The following PKD2L1 variants were observed in gnomAD, a reference collection of about 807,000 sequenced individuals.
PKD2L1 encodes the protein polycystin-2-like protein 1.
PKD2L1 carries 77 observed loss-of-function variants against 93.0 expected under a neutral mutation model. The ratio of observed to expected loss-of-function variants is 0.83; its 90% confidence interval spans 0.69 to 1.00. The LOEUF is 1.00. Among genes scored for constraint, PKD2L1 ranks in the 50% least tolerant of loss-of-function variants. The probability of loss-of-function intolerance (pLI) is 0.00; values close to 1 mark genes in which losing one functional copy is unlikely to be tolerated. For synonymous variants in PKD2L1, 390 were observed against 388.0 expected, an observed-to-expected ratio of 1.01 and a Z score of -0.06; for missense variants, 977 against 990.9, an observed-to-expected ratio of 0.99 and a Z score of 0.19.
At position 100,311,723 on chromosome 10, in the gene PKD2L1, C is replaced by A. The variant is rs143518040; in HGVS notation, c.350-12005G>T. Among the ~76,000 whole-genome samples the A allele has an allele frequency of 2.0e-5, 3 of 152,304 alleles. No individual in the cohort carries two copies. The East Asian group carries it at 5.8e-4, about 29-fold the overall frequency. On this transcript the variant is annotated intron_variant, in intron 2 of 15. Coordinates refer to ENST00000318222, the MANE Select transcript of PKD2L1 (RefSeq NM_016112.3). ...CACAGTTGTCCTTTCCAACAACACT[C>A]TCCCTGGGAAGGAATGGGATCCCTT...
At chr10:100,302,706 A>G (rs534901247) in intron 2 of PKD2L1, among the ~76,000 whole-genome samples, 227 of 147,798 alleles carry the variant, frequency 1.5e-3, no homozygotes, top group African/African-American at 5.2e-3. Flanking sequence ...AAAAAAAAAA[A>G]ATTGTTCCAG....
chr10:100,288,267 T>G lies in PKD2L1; in HGVS notation c.*129A>C. ...TCTCTGAATCCTGAGTTCATTTCCT[T>G]GCCTGATTCCCTTCAGGCTCCATTT... On this transcript the variant is annotated 3_prime_UTR_variant, in exon 16 of 16. Transcript: ENST00000318222. 1.5e-6 allele frequency: 1 copy of G among 676,142 alleles called. No homozygotes were observed. Among genetic ancestry groups the G allele is most frequent in the Non-Finnish European group, 2.7e-6 (1 of 373,606 alleles). 41.9% of individuals were successfully genotyped at this position (676,142 alleles called of 1,614,324 possible).
Position 100,295,037 on chromosome 10 carries a change from G to T in PKD2L1, c.1443C>A (p.Ala481=). 2 of 1,614,080 alleles carry T rather than the reference G, an allele frequency of 1.2e-6. No individual in the cohort carries two copies. Among genetic ancestry groups the T allele is most frequent in the Non-Finnish European group, 1.7e-6 (2 of 1,179,976 alleles). ...CGAAGAAAACAATGAAGAACATGAC[G>T]GCGAAGCCCAGGATGTCCTTGGCAC... ...ARCAKDILGF[A]VMFFIVFFAY... The change falls in exon 8 of 16, where the codon GCC becomes GCA. Residue 481 remains alanine (A), a synonymous_variant. Coordinates refer to ENST00000318222, the MANE Select transcript of PKD2L1 (RefSeq NM_016112.3).
In PKD2L1 at chr10:100,301,712, C is replaced by T. The variant is rs78208005; in HGVS notation, c.350-1994G>A. Among the ~76,000 whole-genome samples the T allele has an allele frequency of 8.7e-4, 132 of 152,240 alleles. 2 individuals carry two copies. Among genetic ancestry groups the T allele is most frequent in the East Asian group, 8.5e-3 (44 of 5,186 alleles). On this transcript the variant is annotated intron_variant, in intron 2 of 15. Transcript: ENST00000318222. ...CTTTATGAACAATTTGTGCAGTTAA[C>T]GCAATCATCACAGGGTCCTGAGGCA...
chr10:100,288,677 C>CT (rs112981669), intron 15 of PKD2L1, among the ~76,000 whole-genome samples, 199 bp from the exon 16 acceptor site: 11,540 of 147,512 alleles, frequency 0.078, 797 homozygotes, highest in African/African-American at 0.18. Flanking sequence ...TGTTTGTTAA[C>CT]TTTTTTTTTT....
In PKD2L1 at chr10:100,291,394, G is replaced by A. The variant is rs1470437464; in HGVS notation, c.1914C>T (p.Leu638=). The part of the protein sequence containing the change: ...LGHAEHEITE[L]TATFTKFDRD... ...TGTCAAACTTGGTGAAGGTGGCCGT[G>A]AGCTCAGTGATTTCATGCTCTGCGT... The change falls in exon 12 of 16, where the codon CTC becomes CTT. Residue 638 remains leucine (L), a synonymous_variant. Transcript: ENST00000318222. 6.2e-7 allele frequency: 1 copy of A among 1,614,074 alleles called. No homozygotes were observed. The highest frequency in any genetic ancestry group is 8.5e-7 in the Non-Finnish European group (1 of 1,179,952).
rs1848602834 is a variant in PKD2L1, at chr10:100,298,568, C to T, written c.725G>A (p.Gly242Asp). ...EEQLPFGPFN[G>D]TAWTYHSQDE... ...GTAGGACAGGCTCACTCACGCTGTG[C>T]CATTGAAGGGCCCAAAGGGGAGTTG... Residue 242 changes from glycine (G) to aspartate (D), a missense_variant, in exon 4 of 16, where the codon GGC becomes GAC. Transcript: ENST00000318222. The T allele has an allele frequency of 6.2e-7, 1 of 1,613,986 alleles. No individual in the cohort carries two copies. Among genetic ancestry groups the T allele is most frequent in the Non-Finnish European group, 8.5e-7 (1 of 1,179,922 alleles).
rs201064124 is a variant in PKD2L1 at position 100,298,831 on chromosome 10, G to T, written c.478-16C>A. The T allele has an allele frequency of 6.2e-7, 1 of 1,602,984 alleles. No homozygotes were observed. The highest frequency in any genetic ancestry group is 8.5e-7 in the Non-Finnish European group (1 of 1,173,006). ...CCTGGGCAAACTGAACCACAAGCTG[G>T]CTTGAACCTTACCCAGCCTCCTCCT... On this transcript the variant is annotated splice_polypyrimidine_tract_variant and intron_variant, in intron 3 of 15. Transcript: ENST00000318222.
Position 100,293,016 on chromosome 10 carries a change from A to G in PKD2L1, c.1812T>C (p.Asp604=), listed in dbSNP as rs1848439285. The change falls in exon 11 of 16, where the codon GAT becomes GAC. Residue 604 remains aspartate (D), a synonymous_variant. Transcript: ENST00000318222. Reference sequence around the variant, plus strand: ...CCCCACCCTGCAGGACCTTCTGCACATCCGAAACCCTCTCCTTCCTCAGAC... The same window carrying G: ...CCCCACCCTGCAGGACCTTCTGCACGTCCGAAACCCTCTCCTTCCTCAGAC... ...RLRLRKERVS[D]VQKVLQGGEQ... 6.2e-7 allele frequency: 1 copy of G among 1,614,194 alleles called. No homozygotes were observed. Among genetic ancestry groups the G allele is most frequent in the Non-Finnish European group, 8.5e-7 (1 of 1,179,988 alleles).
chr10:100,323,360 C>T lies in PKD2L1; in HGVS notation c.349+5851G>A, dbSNP rs1286440528. 2.0e-5 allele frequency among the ~76,000 whole-genome samples: 3 copies of T among 152,182 alleles called. No individual in the cohort carries two copies. In the East Asian group the frequency reaches 5.8e-4, roughly 29 times the overall value. ...CTCGGCTCACTGCAACCTCCACCTC[C>T]CAGGTTCAAGCGATTCTCTTGCCTC... is the stretch of plus-strand genomic sequence containing the variant. On this transcript the variant is annotated intron_variant, in intron 2 of 15. Transcript: ENST00000318222.
At position 100,290,460 on chromosome 10, in the gene PKD2L1, G is replaced by C. The variant is rs1175018558; in HGVS notation, c.2067C>G (p.Gly689=). 3 of 1,613,608 alleles carry C rather than the reference G, an allele frequency of 1.9e-6. No homozygotes were observed. Among genetic ancestry groups the C allele is most frequent in the Non-Finnish European group, 2.5e-6 (3 of 1,180,012 alleles). ...LGRSIVSSPQ[G]KSGPEAARAG... ...CTCTGGCAGCCTCTGGACCCGATTT[G>C]CCTTGTGGGCTGCTCACAATAGATC... Residue 689 remains glycine, a synonymous_variant, in exon 13 of 16, where the codon GGC becomes GGG. Coordinates refer to ENST00000318222, the MANE Select transcript of PKD2L1 (RefSeq NM_016112.3).
chr10:100,293,177 C>T, intron 10 of PKD2L1, 104 bp downstream of exon 10: 2 of 1,565,902 alleles, frequency 1.3e-6, no homozygotes, highest in Non-Finnish European at 1.8e-6. Context: ...TTTAAAGGCA[C>T]ACAAGGGCAC....
chr10:100,307,402 C>A (rs1014165349), intron 2 of PKD2L1, among the ~76,000 whole-genome samples: 1 of 152,162 alleles, frequency 6.6e-6, no homozygotes, highest in African/African-American at 2.4e-5. Context: ...TCCAGTGGGT[C>A]ATCCCAACAC....
intron 4 of PKD2L1, among the ~76,000 whole-genome samples, chr10:100,298,108 T>A (rs1848592127): frequency 6.6e-6 from 1 of 152,130 alleles, no homozygotes; most frequent in Non-Finnish European, 1.5e-5. Context: ...CTACCCTGGG[T>A]GCTTATTTCC....
chr10:100,317,243 A>AC (rs1455143852), intron 2 of PKD2L1, among the ~76,000 whole-genome samples: 1 of 151,944 alleles, frequency 6.6e-6, no homozygotes, highest in South Asian at 2.1e-4. Flanking sequence ...TTTCAAACAA[A>AC]CCCCCCAAAA....
chr10:100,313,866 T>C (rs562559478), intron 2 of PKD2L1, among the ~76,000 whole-genome samples: 24 of 152,316 alleles, frequency 1.6e-4, no homozygotes, highest in African/African-American at 5.3e-4. Context: ...CCCAGAGAGA[T>C]ACATCACCTT....
chr10:100,301,459 C>CG (rs1405566951), intron 2 of PKD2L1, among the ~76,000 whole-genome samples: 7 of 151,560 alleles, frequency 4.6e-5, no homozygotes, highest in Non-Finnish European at 8.8e-5. Context: ...TAGAGGCCCC[C>CG]CCCCCGGGAA....
intron 2 of PKD2L1, among the ~76,000 whole-genome samples, chr10:100,322,374 A>C (rs1306002775): frequency 1.3e-5 from 2 of 152,162 alleles, no homozygotes; most frequent in Non-Finnish European, 1.5e-5. Context: ...TAAAAATACA[A>C]AAATTAGCCG....
At chr10:100,288,666 C>G (rs1848333640) in intron 15 of PKD2L1, among the ~76,000 whole-genome samples, 188 bp from the exon 16 acceptor site, 1 of 151,442 alleles carries the variant, frequency 6.6e-6, no homozygotes. Flanking sequence ...TCTCTTTATC[C>G]TGTTTGTTAA....
Sources: allele counts gnomAD v4.1 joint callset (sites outside exome capture counted in the v4.1 genomes callset), GRCh38; gene constraint gnomAD v4.1.1; transcripts MANE v1.5; gene names NCBI Gene and HGNC (gene_info 2026-07-23, HGNC 2026-07-21).